The following KLRF2 variants were observed in gnomAD, a reference collection of about 807,000 sequenced individuals.
KLRF2 encodes killer cell lectin like receptor F2.
In KLRF2, 28 loss-of-function variants were observed where a neutral mutation model predicts 25.3. That is an observed-to-expected ratio of 1.11 (90% CI 0.82 to 1.52). The LOEUF (loss-of-function observed/expected upper bound fraction) is 1.52, where lower values mean the gene tolerates loss of function less well. Among genes scored for constraint, KLRF2 ranks in the 40% most tolerant of loss-of-function variants. The pLI, the probability that KLRF2 is intolerant of heterozygous loss-of-function variation, is 0.00. For missense variants in KLRF2, 265 were observed against 245.8 expected (o/e 1.08, Z -0.52); for synonymous variants, 73 against 85.0 (o/e 0.86, Z 0.78).
chr12:9,894,028 TTC>T (rs924342221), intron 5 of KLRF2, among the ~76,000 whole-genome samples: 5 of 152,158 alleles, frequency 3.3e-5, no homozygotes, highest in East Asian at 1.9e-4. Flanking sequence ...TTTTCTTTTC[TTC>T]TCTTTCTTTT....
intron 2 of KLRF2, among the ~76,000 whole-genome samples, chr12:9,887,224 AC>A (rs543145706): frequency 1.4e-3 from 217 of 152,262 alleles, no homozygotes; most frequent in Non-Finnish European, 2.6e-3. Context: ...GCTTACAAGA[AC>A]CCACTAAGTT....
chr12:9,882,118 CA>C (rs1180334267), intron 1 of KLRF2, among the ~76,000 whole-genome samples: 1 of 151,374 alleles, frequency 6.6e-6, no homozygotes. Context: ...GAAAAAAAAA[CA>C]AAAAAACATT....
chr12:9,883,073 T>C (rs1868111669), intron 1 of KLRF2, among the ~76,000 whole-genome samples: 1 of 152,280 alleles, frequency 6.6e-6, no homozygotes, highest in Middle Eastern at 3.4e-3. Context: ...GGAAAATAAA[T>C]TGGGCCAGAA....
At chr12:9,893,587 AT>A in intron 5 of KLRF2, 46 bp downstream of exon 5, 1 of 657,828 alleles carries the variant, frequency 1.5e-6, no homozygotes, top group Non-Finnish European at 2.4e-6. Flanking sequence ...TTATAGAATT[AT>A]TTTTATATTA....
At chr12:9,894,151 T>TCTCTCTCC (rs1555127282) in intron 5 of KLRF2, among the ~76,000 whole-genome samples, 3 of 147,470 alleles carry the variant, frequency 2.0e-5, no homozygotes, top group Non-Finnish European at 3.0e-5. Flanking sequence ...TCTCTCTCTC[T>TCTCTCTCC]CTCCCTCCCT....
At position 9,893,029 on chromosome 12, in the gene KLRF2, A is replaced by G. The variant is rs185045840; in HGVS notation, c.227A>G (p.Tyr76Cys). The change falls in exon 4 of 6, where the codon TAC becomes TGC. Residue 76 changes from tyrosine to cysteine, a missense_variant. Tyr to Cys is a radical substitution (Grantham distance 194). Coordinates refer to ENST00000535540, the MANE Select transcript of KLRF2 (RefSeq NM_001190765.1). ...VNVSSLSGHN[Y>C]LCPNDWLLNE... ...CTATGTTTTCCTTTAGGACACAATT[A>G]CTTGTGCCCAAATGACTGGCTGTTG... is the stretch of plus-strand genomic sequence containing the variant. The G allele has an allele frequency of 2.0e-6, 3 of 1,535,232 alleles. No individual in the cohort carries two copies. In the East Asian group the frequency reaches 7.3e-5, roughly 38 times the overall value.
intron 1 of KLRF2, among the ~76,000 whole-genome samples, chr12:9,882,296 G>A (rs544646790): frequency 2.0e-5 from 3 of 152,194 alleles, no homozygotes; most frequent in Non-Finnish European, 4.4e-5. Flanking sequence ...GAACATTCTC[G>A]TGTACAATCT....
chr12:9,888,452 T>C (rs1862629235), intron 2 of KLRF2, among the ~76,000 whole-genome samples: 1 of 151,494 alleles, frequency 6.6e-6, no homozygotes, highest in African/African-American at 2.4e-5. Flanking sequence ...ATTGCGCCAC[T>C]GCACTGCAGC....
chr12:9,888,469 A>C, intron 2 of KLRF2, among the ~76,000 whole-genome samples: 1 of 151,936 alleles, frequency 6.6e-6, no homozygotes, highest in Non-Finnish European at 1.5e-5. Context: ...CAGCCTGGGC[A>C]ACAGAGTGAG....
chr12:9,890,032 C>G (rs1862655888), intron 3 of KLRF2, among the ~76,000 whole-genome samples: 1 of 151,816 alleles, frequency 6.6e-6, no homozygotes, highest in Admixed American at 6.6e-5. Flanking sequence ...AAAACAGCAC[C>G]AATAATTATC....
chr12:9,895,699 A>G lies in KLRF2; in HGVS notation c.490A>G (p.Ile164Val). The change falls in exon 6 of 6, where the codon ATT becomes GTT. Residue 164 changes from isoleucine to valine, a missense_variant. Ile to Val is a conservative substitution (Grantham distance 29). Coordinates refer to ENST00000535540, the MANE Select transcript of KLRF2 (RefSeq NM_001190765.1). ...HFLVPELFSV[I>V]GPTDDRSCAV... The stretch of plus-strand genomic sequence containing the variant: ...TCCTTTGTCTCTTAGGTTTTCAGTG[A>G]TTGGACCAACTGATGACAGGAGCTG... The G allele has an allele frequency of 6.5e-7, 1 of 1,532,276 alleles. No homozygotes were observed. Among genetic ancestry groups the G allele is most frequent in the Non-Finnish European group, 8.7e-7 (1 of 1,145,730 alleles). 94.9% of individuals were successfully genotyped at this position (1,532,276 alleles called of 1,614,324 possible).
In KLRF2 at chr12:9,883,386, C is replaced by T. The variant is rs138707629; in HGVS notation, c.71-1548C>T. Among the ~76,000 whole-genome samples the T allele has an allele frequency of 4.5e-3, 684 of 152,290 alleles. 1 individual carries two copies. The highest frequency in any genetic ancestry group is 7.8e-3 in the Non-Finnish European group (528 of 68,000). ...GCCAATGGCATCTAGCCAAGCAGTG[C>T]TAGGATAGGCCAGCATACTGCACTT... On this transcript the variant is annotated intron_variant, in intron 1 of 5. Coordinates refer to ENST00000535540, the MANE Select transcript of KLRF2 (RefSeq NM_001190765.1).
chr12:9,895,533 G>C (rs1163567307), intron 5 of KLRF2, among the ~76,000 whole-genome samples, 156 bp from the exon 6 acceptor site: 1 of 152,242 alleles, frequency 6.6e-6, no homozygotes, highest in Non-Finnish European at 1.5e-5. Context: ...GGAAAGAGGA[G>C]AAGAGGCTGC....
chr12:9,886,149 T>C (rs1262353283), intron 2 of KLRF2, among the ~76,000 whole-genome samples: 4 of 152,190 alleles, frequency 2.6e-5, no homozygotes, highest in Non-Finnish European at 4.4e-5. Context: ...GATGAATTAC[T>C]AGTAGTAAAA....
chr12:9,888,234 T>A (rs1393867355), intron 2 of KLRF2, among the ~76,000 whole-genome samples: 1 of 151,988 alleles, frequency 6.6e-6, no homozygotes, highest in Non-Finnish European at 1.5e-5. Flanking sequence ...CTCACACCTG[T>A]AATCTCAGCA....
intron 3 of KLRF2, among the ~76,000 whole-genome samples, chr12:9,891,600 T>G (rs1862676712): frequency 6.6e-6 from 1 of 152,226 alleles, no homozygotes; most frequent in African/African-American, 2.4e-5. Context: ...AGAGGTCATT[T>G]TATACCTTTT....
rs1371044514 is a variant in KLRF2, at chr12:9,893,055, A to T, written c.253A>T (p.Asn85Tyr). The change falls in exon 4 of 6, where the codon AAC becomes TAC. Residue 85 changes from asparagine to tyrosine, a missense_variant. Coordinates refer to ENST00000535540, the MANE Select transcript of KLRF2 (RefSeq NM_001190765.1). ...NYLCPNDWLL[N>Y]EGKCYWFSTS... ...CTTGTGCCCAAATGACTGGCTGTTG[A>T]ACGAAGGGAAATGTTACTGGTTTTC... 6.5e-7 allele frequency: 1 copy of T among 1,535,838 alleles called. No individual in the cohort carries two copies. Among genetic ancestry groups the T allele is most frequent in the East Asian group, 2.4e-5 (1 of 40,906 alleles).
intron 3 of KLRF2, among the ~76,000 whole-genome samples, chr12:9,892,100 C>T (rs1183453214): frequency 2.6e-5 from 4 of 152,238 alleles, no homozygotes; most frequent in Admixed American, 2.6e-4. Flanking sequence ...ACCATTTGTC[C>T]TTTGCTTTAG....
chr12:9,895,606 T>C, intron 5 of KLRF2, 83 bp from the exon 6 acceptor site: 2 of 1,323,778 alleles, frequency 1.5e-6, no homozygotes, highest in Non-Finnish European at 2.0e-6. Flanking sequence ...GAATTACCTA[T>C]AAAAGTTTGG....
Sources: allele counts gnomAD v4.1 joint callset (sites outside exome capture counted in the v4.1 genomes callset), GRCh38; gene constraint gnomAD v4.1.1; transcripts MANE v1.5; gene names NCBI Gene and HGNC (gene_info 2026-07-23, HGNC 2026-07-21).